The following PCSK7 variants were observed in gnomAD, a reference collection of about 807,000 sequenced individuals.
PCSK7 encodes the protein proprotein convertase subtilisin/kexin type 7, also known as lymphoma proprotein convertase.
A neutral mutation model predicts 73.3 loss-of-function variants in PCSK7; 38 were observed. The observed-to-expected ratio is 0.52, with a 90% CI of 0.40 to 0.68. The LOEUF (loss-of-function observed/expected upper bound fraction) is 0.68. PCSK7 is among the 30% of genes least tolerant of loss of function. The pLI, the probability that PCSK7 is intolerant of heterozygous loss-of-function variation, is 0.00. For synonymous variants in PCSK7, 296 were observed against 383.8 expected (o/e 0.77, Z 2.68); for missense variants, 692 against 991.5 (o/e 0.70, Z 4.06).
At chr11:117,224,052 G>A in intron 8 of PCSK7, 26 bp downstream of exon 8, 1 of 1,612,594 alleles carries the variant, frequency 6.2e-7, no homozygotes, top group Non-Finnish European at 8.5e-7. Context: ...CACACACACA[G>A]GAGCACAGAA....
chr11:117,212,306 T>C (rs1334422678), intron 12 of PCSK7: 2 of 152,202 alleles, frequency 1.3e-5, no homozygotes, highest in Non-Finnish European at 2.9e-5. Context: ...CTTTCATTTA[T>C]GGCAGATGAG....
intron 6 of PCSK7, 162 bp from the exon 7 acceptor site, chr11:117,224,917 G>T: frequency 1.5e-6 from 1 of 649,212 alleles, no homozygotes; most frequent in Non-Finnish European, 2.8e-6. Context: ...AGGGTTCAAA[G>T]GTCCATCCCC....
intron 4 of PCSK7, among the ~76,000 whole-genome samples, chr11:117,227,586 G>C (rs1438798335): frequency 1.3e-5 from 2 of 152,162 alleles, no homozygotes; most frequent in Non-Finnish European, 2.9e-5. Flanking sequence ...GGGACTATAG[G>C]TGAGCGCCAC....
At chr11:117,210,996 G>A (rs2031706253) in intron 12 of PCSK7, 1 of 152,206 alleles carries the variant, frequency 6.6e-6, no homozygotes, top group Non-Finnish European at 1.5e-5. Context: ...TACAGACACA[G>A]TAGCTCAGAG....
Position 117,206,161 on chromosome 11 carries a change from C to T in PCSK7, c.2194G>A (p.Asp732Asn). The T allele has an allele frequency of 6.2e-7, 1 of 1,613,114 alleles. No homozygotes were observed. Among genetic ancestry groups the T allele is most frequent in the South Asian group, 1.1e-5 (1 of 91,004 alleles). ...SVPLCSSKDPDEVETESRGPP... is the reference protein window; with the variant it reads ...SVPLCSSKDPNEVETESRGPP... ...CCCCTGCTCTCTGTTTCCACTTCGT[C>T]TGGATCCTTGCTGCTGCAAAGTGGC... The change falls in exon 17 of 17, where the codon GAC becomes AAC. Residue 732 changes from aspartate to asparagine, a missense_variant. By Grantham distance (23) the Asp-to-Asn change is conservative (BLOSUM62 1). This residue lies in a region of PCSK7 where 78 missense variants were observed against 102.6 expected (regional missense o/e 0.76). Coordinates refer to ENST00000320934, the MANE Select transcript of PCSK7 (RefSeq NM_004716.4).
At position 117,219,716 on chromosome 11, in the gene PCSK7, C is replaced by A; in HGVS notation, c.1198G>T (p.Glu400Ter). ...WDLQKGTGCT[E>*]GHTGTSAAAP... is the part of the protein sequence containing the mutation. ...GCAGCTGAGGTCCCTGTGTGGCCCTCAGTGCAGCCAGTGCCCTTCTGAAGG... is the reference window on the plus strand; with the variant it reads ...GCAGCTGAGGTCCCTGTGTGGCCCTAAGTGCAGCCAGTGCCCTTCTGAAGG... Residue 400 changes from glutamate to a stop codon, truncating the protein, a stop_gained, in exon 10 of 17, where the codon GAG (glutamate) becomes TAG (stop). Coordinates refer to ENST00000320934, the MANE Select transcript of PCSK7 (RefSeq NM_004716.4). LOFTEE classifies it high-confidence loss of function. 6.3e-7 allele frequency: 1 copy of A among 1,596,564 alleles called. No individual in the cohort carries two copies. Among genetic ancestry groups the A allele is most frequent in the South Asian group, 1.1e-5 (1 of 88,682 alleles).
At chr11:117,228,193 G>T (rs749856536) in intron 4 of PCSK7, 23 bp downstream of exon 4, 1 of 1,610,006 alleles carries the variant, frequency 6.2e-7, no homozygotes, top group Non-Finnish European at 8.5e-7. Context: ...GGGAGTGAGG[G>T]GTGTCGTTCC....
At chr11:117,223,406 G>C in intron 8 of PCSK7, 98 bp from the exon 9 acceptor site, 1 of 756,304 alleles carries the variant, frequency 1.3e-6, no homozygotes, top group Admixed American at 1.9e-5. Context: ...ATCCTGGGGG[G>C]CTGTCCTGAG....
rs746264965 is a variant in PCSK7, at chr11:117,224,040, GACAC to G, written c.1054+34_1054+37del. The stretch of plus-strand genomic sequence containing the variant: ...ACGTGTGATGCCCTAACCCTTCGGT[GACAC>G]ACACACAGGAGCACAGAAACATTGG... On this transcript the variant is annotated intron_variant, in intron 8 of 16. Transcript: ENST00000320934. The G allele has an allele frequency of 2.5e-6, 4 of 1,606,244 alleles. No homozygotes were observed. In the African/African-American group the frequency reaches 4.0e-5, roughly 16 times the overall value.
In PCSK7 at chr11:117,206,953, A is replaced by G. The variant is rs1452637137; in HGVS notation, c.1880+114T>C. The G allele has an allele frequency of 2.2e-6, 3 of 1,338,034 alleles. No homozygotes were observed. The African/African-American group carries it at 4.4e-5, about 20-fold the overall frequency. The allele number at this position is 1,338,034 out of a possible 1,614,324, so 82.9% of individuals were successfully genotyped here. A position where few individuals can be genotyped will look rare whatever the true frequency, so the allele number is the denominator to read the frequency against. ...GAGTTCCCAGCCCGGGGCTCCATCT[A>G]CCGGCTTGACGCTGGAACTGGGAAG... On this transcript the variant is annotated intron_variant, in intron 15 of 16. Transcript: ENST00000320934.
intron 7 of PCSK7, 59 bp from the exon 8 acceptor site, chr11:117,224,275 C>T (rs2032323394): frequency 6.4e-7 from 1 of 1,563,306 alleles, no homozygotes; most frequent in East Asian, 2.3e-5. Flanking sequence ...CCTCCGCCTA[C>T]CACATCAGTC....
chr11:117,205,076 T>C lies in PCSK7; in HGVS notation c.*921A>G, dbSNP rs771827586. The stretch of plus-strand genomic sequence containing the variant: ...GAGAGATTGCGAGTGGCAGAATTGT[T>C]TGGAAGGTTTTTATTTTGGAAAAGC... On this transcript the variant is annotated 3_prime_UTR_variant, in exon 17 of 17. Transcript: ENST00000320934. 16 of 221,724 alleles carry C rather than the reference T, an allele frequency of 7.2e-5. No individual in the cohort carries two copies. Among genetic ancestry groups the C allele is most frequent in the Non-Finnish European group, 1.4e-4 (15 of 110,584 alleles). The allele number at this position is 221,724 out of a possible 1,614,324, so 13.7% of individuals were successfully genotyped here. A position where few individuals can be genotyped will look rare whatever the true frequency, so the allele number is the denominator to read the frequency against.
rs761076056 is a variant in PCSK7, at chr11:117,219,048, C to T, written c.1431+9G>A. On this transcript the variant is annotated intron_variant, in intron 11 of 16. Coordinates refer to ENST00000320934, the MANE Select transcript of PCSK7 (RefSeq NM_004716.4). ...CACAGGGCACCCTGCCCTGCCAACACCTGTTCACCTTGGCTGCATTCACGA... is the reference window on the plus strand; with the variant it reads ...CACAGGGCACCCTGCCCTGCCAACATCTGTTCACCTTGGCTGCATTCACGA... 1.3e-6 allele frequency: 2 copies of T among 1,596,856 alleles called. No individual in the cohort carries two copies. Among genetic ancestry groups the T allele is most frequent in the African/African-American group, 2.7e-5 (2 of 74,722 alleles).
intron 12 of PCSK7, chr11:117,211,600 A>G (rs1489420874): frequency 6.6e-6 from 1 of 152,172 alleles, no homozygotes; most frequent in Non-Finnish European, 1.5e-5. Flanking sequence ...TTACATTCTC[A>G]AGCTCCCTTC....
chr11:117,224,199 C>T lies in PCSK7; in HGVS notation c.933G>A (p.Gly311=). 1 of 1,614,148 alleles carries T rather than the reference C, an allele frequency of 6.2e-7. No homozygotes were observed. The highest frequency in any genetic ancestry group is 8.5e-7 in the Non-Finnish European group (1 of 1,180,020). ...HQLGKAALQH[G]VIAGRQGFGS... is the part of the protein sequence containing the mutation. ...CAAAGCCCTGGCGACCAGCAATCAC[C>T]CCATGTTGTAAGGCAGCCTGAGGAG... The change falls in exon 8 of 17, where the codon GGG becomes GGA. Residue 311 remains glycine (G), a synonymous_variant. Coordinates refer to ENST00000320934, the MANE Select transcript of PCSK7 (RefSeq NM_004716.4).
At position 117,206,018 on chromosome 11, in the gene PCSK7, C is replaced by G. The variant is rs560198295; in HGVS notation, c.2337G>C (p.Gly779=). 50 of 1,219,286 alleles carry G rather than the reference C, an allele frequency of 4.1e-5. No homozygotes were observed. Among genetic ancestry groups the G allele is most frequent in the Non-Finnish European group, 5.4e-5 (47 of 871,686 alleles). The allele number at this position is 1,219,286 out of a possible 1,614,324, so 75.5% of individuals were successfully genotyped here. A position where few individuals can be genotyped will look rare whatever the true frequency, so the allele number is the denominator to read the frequency against. Residue 779 remains glycine (G), a synonymous_variant, in exon 17 of 17, where the codon GGG becomes GGC. Transcript: ENST00000320934. ...CPHQHLDVPH[G]KEEQIC ...GAGGTCAGCAGATCTGCTCCTCCTT[C>G]CCGTGCGGTACGTCTAGGTGCTGAT...
chr11:117,224,330 G>C, intron 7 of PCSK7, 114 bp from the exon 8 acceptor site: 1 of 1,048,392 alleles, frequency 9.5e-7, no homozygotes, highest in Non-Finnish European at 1.4e-6. Flanking sequence ...AAGTTCAAAG[G>C]GCACTGGGCA....
intron 1 of PCSK7, chr11:117,231,688 CA>C (rs1171942184): frequency 1.3e-5 from 2 of 152,294 alleles, no homozygotes; most frequent in Non-Finnish European, 2.9e-5. Flanking sequence ...TCTTAATTGA[CA>C]AGGAAGAAGA....
In PCSK7 at chr11:117,205,310, G is replaced by C. The variant is rs764708918; in HGVS notation, c.*687C>G. On this transcript the variant is annotated 3_prime_UTR_variant, in exon 17 of 17. Transcript: ENST00000320934. Reference sequence around the variant, plus strand: ...GGAAGACAGGGTGGTGGCAGGACTGGAGTGGCAGTGGCTCCCAAGGCTCTC... The same window carrying C: ...GGAAGACAGGGTGGTGGCAGGACTGCAGTGGCAGTGGCTCCCAAGGCTCTC... The C allele has an allele frequency of 8.6e-6, 2 of 233,602 alleles. No individual in the cohort carries two copies. Among genetic ancestry groups the C allele is most frequent in the Non-Finnish European group, 1.7e-5 (2 of 118,084 alleles). The allele number at this position is 233,602 out of a possible 1,614,324, so 14.5% of individuals were successfully genotyped here.
Sources: gnomAD v4.1 joint callset for allele counts (sites outside exome capture counted in the v4.1 genomes callset) on GRCh38, gnomAD v4.1.1 for gene constraint, gnomAD v4.1.1 regional missense constraint, MANE v1.5 for transcripts, NCBI Gene and HGNC (gene_info 2026-07-23, HGNC 2026-07-21) for gene names.